Variants in TINAG observed in about 807,000 individuals in gnomAD.
TINAG encodes the protein tubulointerstitial nephritis antigen.
A neutral mutation model predicts 72.7 loss-of-function variants in TINAG; 83 were observed. That is an observed-to-expected ratio of 1.14 (90% CI 0.96 to 1.37). The LOEUF (loss-of-function observed/expected upper bound fraction) is 1.37. Ranked by LOEUF, TINAG falls within the 40% of genes most tolerant of loss-of-function variation. TINAG has a pLI of 0.00. For synonymous variants in TINAG, 234 were observed against 189.9 expected (o/e 1.23, Z -1.91); for missense variants, 685 against 576.6 (o/e 1.19, Z -1.93).
At chr6:54,347,619 A>G (rs1785158101) in intron 6 of TINAG, 102 bp downstream of exon 6, 2 of 1,185,984 alleles carry the variant, frequency 1.7e-6, no homozygotes, top group Non-Finnish European at 2.3e-6. Context: ...AGTACTTAAA[A>G]ATATATATAC....
chr6:54,341,945 T>C (rs1163278254), intron 4 of TINAG, among the ~76,000 whole-genome samples: 1 of 152,136 alleles, frequency 6.6e-6, no homozygotes, highest in East Asian at 1.9e-4. Flanking sequence ...AAAAAATAGC[T>C]AATAATATTT....
chr6:54,365,051 TTCATGCTATG>T, intron 9 of TINAG, among the ~76,000 whole-genome samples: 1 of 151,646 alleles, frequency 6.6e-6, no homozygotes, highest in African/African-American at 2.4e-5. Context: ...AAGCTGAATT[TTCATGCTATG>T]TTATGTTTAA....
intron 1 of TINAG, among the ~76,000 whole-genome samples, chr6:54,315,905 G>A (rs763317260): frequency 5.9e-5 from 9 of 152,088 alleles, no homozygotes; most frequent in African/African-American, 1.9e-4. Context: ...GTTTGAATTC[G>A]AAGAGGGTTA....
At chr6:54,345,162 T>A (rs528007164) in intron 5 of TINAG, among the ~76,000 whole-genome samples, 1 of 152,240 alleles carries the variant, frequency 6.6e-6, no homozygotes, top group East Asian at 1.9e-4. Flanking sequence ...TCAGAGGTAC[T>A]GTCCAGTGAG....
chr6:54,331,708 C>T (rs929502818), intron 4 of TINAG, among the ~76,000 whole-genome samples: 1 of 152,162 alleles, frequency 6.6e-6, no homozygotes, highest in Non-Finnish European at 1.5e-5. Context: ...ATTTAGAAAA[C>T]CGCATTGTTT....
chr6:54,315,693 T>A (rs74527322), intron 1 of TINAG, among the ~76,000 whole-genome samples: 6 of 150,742 alleles, frequency 4.0e-5, no homozygotes, highest in Non-Finnish European at 8.8e-5. Flanking sequence ...AAAAAAAAAG[T>A]AAAAAAATTC....
At chr6:54,376,630 GT>G (rs1352880335) in intron 9 of TINAG, among the ~76,000 whole-genome samples, 1 of 152,058 alleles carries the variant, frequency 6.6e-6, no homozygotes, top group Non-Finnish European at 1.5e-5. Flanking sequence ...GCTTAGAAAA[GT>G]TTAGTGTTTA....
At chr6:54,357,076 C>T (rs549104024) in intron 9 of TINAG, among the ~76,000 whole-genome samples, 29 of 151,912 alleles carry the variant, frequency 1.9e-4, no homozygotes, top group African/African-American at 6.5e-4. Context: ...TCATTACTCC[C>T]GTCCTCTTCA....
At chr6:54,346,544 A>G (rs1785126927) in intron 5 of TINAG, among the ~76,000 whole-genome samples, 1 of 151,456 alleles carries the variant, frequency 6.6e-6, no homozygotes, top group Non-Finnish European at 1.5e-5. Context: ...ATATAATTAC[A>G]TGTATAGCTA....
intron 4 of TINAG, among the ~76,000 whole-genome samples, chr6:54,333,224 C>A (rs1236314939): frequency 6.6e-6 from 1 of 152,062 alleles, no homozygotes; most frequent in Non-Finnish European, 1.5e-5. Flanking sequence ...AACCCAAATG[C>A]CCATCAATAA....
chr6:54,385,614 A>G (rs182665578), intron 10 of TINAG, among the ~76,000 whole-genome samples: 318 of 152,256 alleles, frequency 2.1e-3, no homozygotes, highest in African/African-American at 6.7e-3. Context: ...GGAATAGGAA[A>G]TAAGGAACAG....
At chr6:54,366,939 T>TA (rs1163408881) in intron 9 of TINAG, 3 of 151,116 alleles carry the variant, frequency 2.0e-5, no homozygotes, top group Admixed American at 6.6e-5. Context: ...AGGAATCTAA[T>TA]AAAAAATGAT....
At position 54,354,588 on chromosome 6, in the gene TINAG, A is replaced by T; in HGVS notation, c.1202A>T (p.Glu401Val). 1 of 1,611,132 alleles carries T rather than the reference A, an allele frequency of 6.2e-7. No homozygotes were observed. Among genetic ancestry groups the T allele is most frequent in the East Asian group, 2.2e-5 (1 of 44,662 alleles). Residue 401 changes from glutamate (E) to valine (V), a missense_variant, in exon 9 of 11, where the codon GAA (glutamate) becomes GTA (valine). By Grantham distance (121) the Glu-to-Val change is moderately radical. Coordinates refer to ENST00000259782, the MANE Select transcript of TINAG (RefSeq NM_014464.4). ...IYRHVTSTNK[E>V]SEKYRKLQTH... ...AGACATGTTACCAGCACAAATAAAG[A>T]ATCAGAAAAATATCGAAAGCTTCAG...
rs142011171 is a variant in TINAG at position 54,389,892 on chromosome 6, T to C, written c.1398T>C (p.Ala466=). Residue 466 remains alanine, a synonymous_variant, in exon 11 of 11, where the codon GCT becomes GCC. Transcript: ENST00000259782. ...ESDIEKLIIA[A]WGQLTSSDEP ...ACATTGAAAAGTTGATTATCGCAGC[T>C]TGGGGCCAACTGACGAGTTCTGATG... 172 of 1,611,944 alleles carry C rather than the reference T, an allele frequency of 1.1e-4. No homozygotes were observed. The highest frequency in any genetic ancestry group is 1.4e-4 in the Non-Finnish European group (167 of 1,179,090).
chr6:54,345,015 A>T (rs534784123), intron 5 of TINAG, among the ~76,000 whole-genome samples: 2 of 152,300 alleles, frequency 1.3e-5, no homozygotes, highest in African/African-American at 4.8e-5. Flanking sequence ...ATATTTTAAA[A>T]ACTTATGTAA....
At chr6:54,382,590 G>A (rs892487581) in intron 10 of TINAG, among the ~76,000 whole-genome samples, 2 of 152,176 alleles carry the variant, frequency 1.3e-5, no homozygotes, top group South Asian at 2.1e-4. Flanking sequence ...AGATGATATA[G>A]ATATTGGTAT....
chr6:54,349,784 C>A lies in TINAG; in HGVS notation c.968C>A (p.Ala323Glu). Residue 323 changes from alanine (A) to glutamate (E), a missense_variant, in exon 7 of 11, where the codon GCA becomes GAA. Physicochemically the swap from Ala to Glu is moderately radical, Grantham distance 107. Coordinates refer to ENST00000259782, the MANE Select transcript of TINAG (RefSeq NM_014464.4). ...GCTACCAACAATGGATGTGCCATGG[C>A]AAGCAGGTCTGATGGGCGAGGAAAA... is the stretch of plus-strand genomic sequence containing the variant. ...QNATNNGCAM[A>E]SRSDGRGKRH... is the part of the protein sequence containing the mutation. 1 of 1,606,172 alleles carries A rather than the reference C, an allele frequency of 6.2e-7. No homozygotes were observed. The highest frequency in any genetic ancestry group is 1.7e-5 in the Admixed American group (1 of 59,310).
chr6:54,368,863 A>G (rs1192036596), intron 9 of TINAG, among the ~76,000 whole-genome samples: 1 of 151,766 alleles, frequency 6.6e-6, no homozygotes, highest in African/African-American at 2.4e-5. Flanking sequence ...TTTTCTTCAG[A>G]TAAATGCTAT....
chr6:54,361,012 T>C (rs904716733), intron 9 of TINAG, among the ~76,000 whole-genome samples: 3 of 151,206 alleles, frequency 2.0e-5, no homozygotes, highest in Non-Finnish European at 4.4e-5. Flanking sequence ...ATTATATGTG[T>C]TATGGTGACC....
Sources: gnomAD v4.1 joint callset for allele counts (sites outside exome capture counted in the v4.1 genomes callset) on GRCh38, gnomAD v4.1.1 for gene constraint, MANE v1.5 for transcripts, NCBI Gene and HGNC (gene_info 2026-07-23, HGNC 2026-07-21) for gene names.